The following PTPRT variants were observed in gnomAD, a reference collection of about 807,000 sequenced individuals.
The protein encoded by PTPRT is protein tyrosine phosphatase receptor type T.
In PTPRT, 56 loss-of-function variants were observed where a neutral mutation model predicts 176.8. The observed-to-expected ratio is 0.32, with a 90% CI of 0.26 to 0.40. The LOEUF is 0.40. Among genes scored for constraint, PTPRT ranks in the 10% least tolerant of loss-of-function variants. The pLI, the probability that PTPRT is intolerant of heterozygous loss-of-function variation, is 1.00. For synonymous variants in PTPRT, 783 were observed against 739.0 expected (o/e 1.06, Z -0.96); for missense variants, 1,540 against 1,908.2 (o/e 0.81, Z 3.60).
chr20:43,105,049 G>A (rs2012542203), intron 1 of PTPRT, among the ~76,000 whole-genome samples: 1 of 152,060 alleles, frequency 6.6e-6, no homozygotes, highest in African/African-American at 2.4e-5. Context: ...GCATTGTGAG[G>A]CAAACTTAGC....
chr20:42,437,320 T>C (rs1702132500), intron 9 of PTPRT, among the ~76,000 whole-genome samples: 1 of 152,212 alleles, frequency 6.6e-6, no homozygotes. Context: ...ATCTCCCTGG[T>C]CCAAGCCTCC....
chr20:42,541,814 A>T (rs2072586869), intron 7 of PTPRT, among the ~76,000 whole-genome samples: 1 of 146,724 alleles, frequency 6.8e-6, no homozygotes, highest in Admixed American at 6.6e-5. Context: ...TTAAAATTTT[A>T]AAATTTTAAA....
At position 42,289,349 on chromosome 20, in the gene PTPRT, C is replaced by A. The variant is rs76749906; in HGVS notation, c.2140-6824G>T. Among the ~76,000 whole-genome samples the A allele has an allele frequency of 3.7e-3, 564 of 151,940 alleles. 4 individuals are homozygous for A. Among genetic ancestry groups the A allele is most frequent in the Non-Finnish European group, 4.8e-3 (324 of 67,904 alleles). On this transcript the variant is annotated intron_variant, in intron 12 of 30. Transcript: ENST00000373187. ...CAAAACTATCAACAGAGTAAACCTA[C>A]AGAATAGGAGAAAATATTTGTAAAC...
intron 7 of PTPRT, among the ~76,000 whole-genome samples, chr20:42,620,845 C>T (rs1019811531): frequency 6.6e-6 from 1 of 152,174 alleles, no homozygotes; most frequent in Non-Finnish European, 1.5e-5. Context: ...CTGTCTGGCA[C>T]TCCCTAGTGA....
downstream of PTPRT, among the ~76,000 whole-genome samples, chr20:42,067,931 T>C (rs929339474): frequency 6.6e-6 from 1 of 152,096 alleles, no homozygotes; most frequent in African/African-American, 2.4e-5. Flanking sequence ...GCAATGAGAA[T>C]AGGAGTTGTA....
rs184572432 is a variant in PTPRT at position 42,964,028 on chromosome 20, T to C, written c.89-78096A>G. On this transcript the variant is annotated intron_variant, in intron 1 of 30. Coordinates refer to ENST00000373187, the MANE Select transcript of PTPRT (RefSeq NM_007050.6). The stretch of plus-strand genomic sequence containing the variant: ...GTAAATCCACCATTCCTAACCTGTG[T>C]GCTGTCAAAAACAGGCAGTAGGTTG... 3.8e-3 allele frequency among the ~76,000 whole-genome samples: 580 copies of C among 152,184 alleles called. 7 individuals are homozygous for C. Among genetic ancestry groups the C allele is most frequent in the Non-Finnish European group, 2.8e-3 (190 of 68,016 alleles).
intron 1 of PTPRT, among the ~76,000 whole-genome samples, chr20:42,901,932 C>G (rs193036788): frequency 1.3e-5 from 2 of 152,154 alleles, no homozygotes; most frequent in South Asian, 4.2e-4. Context: ...CGGCTGCTTC[C>G]CAGCTACAGC....
intron 11 of PTPRT, among the ~76,000 whole-genome samples, chr20:42,327,473 G>A (rs191633370): frequency 3.2e-4 from 49 of 152,114 alleles, no homozygotes; most frequent in African/African-American, 9.9e-4. Flanking sequence ...TTTCCTGAGC[G>A]TGATGATTGT....
At chr20:42,551,401 A>C (rs981004264) in intron 7 of PTPRT, among the ~76,000 whole-genome samples, 6 of 152,158 alleles carry the variant, frequency 3.9e-5, no homozygotes, top group Non-Finnish European at 8.8e-5. Context: ...AAATTTCAAT[A>C]ATTATCTTAG....
chr20:42,075,494 A>T lies in PTPRT; in HGVS notation c.*5385T>A, dbSNP rs1370945575. ...CTCCTGGTTGAGCTTGGTGCTGATG[A>T]CCTGTTTACCCAGCCCAGGAGTGGC... On this transcript the variant is annotated 3_prime_UTR_variant, in exon 31 of 31. Coordinates refer to ENST00000373187, the MANE Select transcript of PTPRT (RefSeq NM_007050.6). 1 of 216,734 alleles carries T rather than the reference A, an allele frequency of 4.6e-6. No individual in the cohort carries two copies. Among genetic ancestry groups the T allele is most frequent in the Non-Finnish European group, 9.3e-6 (1 of 107,796 alleles). 13.4% of individuals were successfully genotyped at this position (216,734 alleles called of 1,614,324 possible).
At chr20:42,837,270 T>C (rs2078198000) in intron 2 of PTPRT, among the ~76,000 whole-genome samples, 1 of 152,156 alleles carries the variant, frequency 6.6e-6, no homozygotes, top group Non-Finnish European at 1.5e-5. Flanking sequence ...GCCCAGCACC[T>C]TGCTGCCTCA....
intron 1 of PTPRT, among the ~76,000 whole-genome samples, chr20:43,134,066 G>C (rs902171420): frequency 6.6e-6 from 1 of 152,168 alleles, no homozygotes; most frequent in Non-Finnish European, 1.5e-5. Flanking sequence ...CACGGGACAT[G>C]GAGGAACAGA....
chr20:42,502,566 C>T (rs942620810), intron 7 of PTPRT, among the ~76,000 whole-genome samples: 2 of 151,970 alleles, frequency 1.3e-5, no homozygotes, highest in Non-Finnish European at 2.9e-5. Flanking sequence ...TAAAACTTCA[C>T]GTTTTTGACA....
intron 7 of PTPRT, among the ~76,000 whole-genome samples, chr20:42,627,404 G>A (rs912799114): frequency 4.0e-5 from 6 of 151,792 alleles, no homozygotes; most frequent in Admixed American, 3.3e-4. Flanking sequence ...CATGTAGCTG[G>A]GACTACAGGT....
intron 7 of PTPRT, among the ~76,000 whole-genome samples, chr20:42,561,983 T>C (rs73102488): frequency 2.6e-5 from 4 of 152,300 alleles, no homozygotes; most frequent in Non-Finnish European, 5.9e-5. Context: ...TATTCTCCCC[T>C]GGCTCCAGCG....
chr20:42,923,845 C>CTT (rs61259027), intron 1 of PTPRT, among the ~76,000 whole-genome samples: 2 of 149,522 alleles, frequency 1.3e-5, no homozygotes, highest in African/African-American at 4.9e-5. Context: ...TTTTTCTTTT[C>CTT]TTTTTTTTTT....
chr20:42,459,472 A>G (rs866956337), intron 8 of PTPRT, among the ~76,000 whole-genome samples: 1 of 152,194 alleles, frequency 6.6e-6, no homozygotes, highest in Admixed American at 6.5e-5. Context: ...TGAAGCTGCA[A>G]AGATTATTTA....
rs749968299 is a variant in PTPRT, at chr20:42,961,100, A to G, written c.89-75168T>C. On this transcript the variant is annotated intron_variant, in intron 1 of 30. Transcript: ENST00000373187. Reference sequence around the variant, plus strand: ...AAAAAAATGAGATAAACAGATAAAAAGAGATCTGGTTTTAAAAGCTAGAAA... The same window carrying G: ...AAAAAAATGAGATAAACAGATAAAAGGAGATCTGGTTTTAAAAGCTAGAAA... Among the ~76,000 whole-genome samples, 131 of 152,202 alleles carry G rather than the reference A, an allele frequency of 8.6e-4. 1 individual carries two copies. The highest frequency in any genetic ancestry group is 3.2e-3 in the Middle Eastern group (1 of 316).
intron 6 of PTPRT, among the ~76,000 whole-genome samples, chr20:42,743,071 C>A (rs1037840029): frequency 6.6e-6 from 1 of 152,124 alleles, no homozygotes; most frequent in African/African-American, 2.4e-5. Context: ...CATTTTGCCG[C>A]TGATTAACTC....
Sources: gnomAD v4.1 joint callset for allele counts (sites outside exome capture counted in the v4.1 genomes callset) on GRCh38, gnomAD v4.1.1 for gene constraint, MANE v1.5 for transcripts, NCBI Gene and HGNC (gene_info 2026-07-23, HGNC 2026-07-21) for gene names.